PLB1: variants seen among roughly 807,000 people sequenced by gnomAD.
PLB1 encodes the protein phospholipase B1, membrane-associated.
Under a neutral mutation model 227.4 loss-of-function variants are expected in PLB1, and 242 were observed. The observed-to-expected ratio is 1.06, with a 90% CI of 0.96 to 1.18. PLB1 has a LOEUF of 1.18. Among genes scored for constraint, PLB1 ranks in the 50% most tolerant of loss-of-function variants. PLB1 has a pLI of 0.00. For missense variants in PLB1, 1,858 were observed against 1,816.3 expected (o/e 1.02, Z -0.42); for synonymous variants, 757 against 682.2 (o/e 1.11, Z -1.71).
chr2:28,550,183 T>C, intron 16 of PLB1, 99 bp downstream of exon 16: 1 of 989,332 alleles, frequency 1.0e-6, no homozygotes, highest in Non-Finnish European at 1.5e-6. Context: ...TTTTTTTTTT[T>C]TTCTTTTGAG....
rs756768446 is a variant in PLB1, at chr2:28,589,480, C to T, written c.1846C>T (p.Arg616Ter). 5.6e-6 allele frequency: 9 copies of T among 1,613,912 alleles called. No homozygotes were observed. The highest frequency in any genetic ancestry group is 2.2e-5 in the South Asian group (2 of 91,078). ...EKTHQLIESG[R>*]YDTREDFTVV... ...GACCCACCAACTGATTGAGAGTGGG[C>T]GATATGACACAAGGGAAGATTTTAC... Residue 616 changes from arginine to a stop codon, truncating the protein, a stop_gained, in exon 27 of 58, where the codon CGA becomes TGA. Transcript: ENST00000327757. LOFTEE classifies it high-confidence loss of function.
At chr2:28,551,315 T>A (rs1674215357) in intron 16 of PLB1, among the ~76,000 whole-genome samples, 1 of 152,148 alleles carries the variant, frequency 6.6e-6, no homozygotes, top group South Asian at 2.1e-4. Context: ...CCCTGAGACT[T>A]CCCATGGAGA....
intron 43 of PLB1, among the ~76,000 whole-genome samples, chr2:28,612,358 A>C (rs1029627292): frequency 6.6e-6 from 1 of 151,870 alleles, no homozygotes; most frequent in Non-Finnish European, 1.5e-5. Context: ...TGTTGGCCTG[A>C]CCTCCAGTGT....
chr2:28,600,107 AC>A (rs1386431436), intron 35 of PLB1, among the ~76,000 whole-genome samples: 5 of 151,204 alleles, frequency 3.3e-5, no homozygotes, highest in Non-Finnish European at 7.4e-5. Flanking sequence ...ATGGGGTTTT[AC>A]CATGTTGCCC....
chr2:28,580,412 G>T (rs1679727062), intron 23 of PLB1, among the ~76,000 whole-genome samples: 1 of 152,216 alleles, frequency 6.6e-6, no homozygotes, highest in Non-Finnish European at 1.5e-5. Context: ...ACACACAGAA[G>T]AGAGGTCTAA....
chr2:28,620,499 C>T, intron 47 of PLB1, 101 bp from the exon 48 acceptor site: 1 of 1,454,680 alleles, frequency 6.9e-7, no homozygotes. Flanking sequence ...GAGAGACGCC[C>T]CAGGGGCCCA....
At chr2:28,627,940 G>T (rs574771098) in intron 51 of PLB1, among the ~76,000 whole-genome samples, 1 of 152,284 alleles carries the variant, frequency 6.6e-6, no homozygotes, top group East Asian at 1.9e-4. Context: ...TCTAAAAATA[G>T]AGGCCCATCT....
chr2:28,573,128 T>G, intron 20 of PLB1, 69 bp from the exon 21 acceptor site: 1 of 1,240,354 alleles, frequency 8.1e-7, no homozygotes, highest in Non-Finnish European at 1.2e-6. Flanking sequence ...CACCCACTGG[T>G]GCTTATCAAA....
At chr2:28,608,208 C>A (rs1201072586) in intron 43 of PLB1, among the ~76,000 whole-genome samples, 7 of 152,208 alleles carry the variant, frequency 4.6e-5, no homozygotes, top group Non-Finnish European at 7.3e-5. Flanking sequence ...ACATTGGAGC[C>A]CATTCTGAAA....
chr2:28,516,596 G>A (rs1465053097), intron 1 of PLB1, among the ~76,000 whole-genome samples: 1 of 152,078 alleles, frequency 6.6e-6, no homozygotes. Context: ...TTTCACCTGG[G>A]GATTCTGCCC....
In PLB1 at chr2:28,601,923, G is replaced by T; in HGVS notation, c.2632G>T (p.Val878Phe). Residue 878 changes from valine to phenylalanine, a missense_variant, in exon 38 of 58, where the codon GTT becomes TTT. By Grantham distance (50) the Val-to-Phe change is conservative. Transcript: ENST00000327757. ...DSNLYSAANFVHHLRNALDVL... is the reference protein window; with the variant it reads ...DSNLYSAANFFHHLRNALDVL... ...GAATCTGTATTCTGCAGCCAACTTT[G>T]TTCACCATCTCCGCAATGCCTTGGA... 1 of 1,611,408 alleles carries T rather than the reference G, an allele frequency of 6.2e-7. No individual in the cohort carries two copies. The highest frequency in any genetic ancestry group is 8.5e-7 in the Non-Finnish European group (1 of 1,177,642).
At chr2:28,523,830 C>T (rs1216203173) in intron 4 of PLB1, among the ~76,000 whole-genome samples, 1 of 152,232 alleles carries the variant, frequency 6.6e-6, no homozygotes, top group Admixed American at 6.5e-5. Flanking sequence ...TTTCCAGCTC[C>T]TCTTGAAAAA....
At chr2:28,511,786 A>ATTTTTTTT (rs1668285878) in intron 1 of PLB1, among the ~76,000 whole-genome samples, 1 of 117,164 alleles carries the variant, frequency 8.5e-6, no homozygotes, top group African/African-American at 3.2e-5. Context: ...CAGCCATTTT[A>ATTTTTTTT]TCTTTTTTTT....
chr2:28,561,842 C>G (rs958576186), intron 17 of PLB1, among the ~76,000 whole-genome samples: 1 of 152,270 alleles, frequency 6.6e-6, no homozygotes, highest in African/African-American at 2.4e-5. Context: ...GAGCCATTAT[C>G]ACGAGCCACT....
intron 49 of PLB1, among the ~76,000 whole-genome samples, chr2:28,623,285 A>G (rs1558941153): frequency 6.6e-6 from 1 of 152,214 alleles, no homozygotes; most frequent in African/African-American, 2.4e-5. Flanking sequence ...AGATGTGTGG[A>G]TCAGGGAGCC....
intron 46 of PLB1, 193 bp downstream of exon 46, chr2:28,618,592 A>T: frequency 3.4e-6 from 2 of 594,366 alleles, no homozygotes; most frequent in East Asian, 5.9e-5. Context: ...AGTTCTGCTC[A>T]AAGCCCCCTC....
intron 56 of PLB1, chr2:28,633,241 A>G: frequency 1.8e-6 from 1 of 557,232 alleles, no homozygotes; most frequent in Non-Finnish European, 3.2e-6. Flanking sequence ...AAGTTATACA[A>G]ACACACACTC....
chr2:28,578,698 C>T lies in PLB1; in HGVS notation c.1485+540C>T, dbSNP rs186665053. ...TGCAGCTCTCCCTCAAATGAAAGCACGGTCTCAATTCAGAGGCTTTTTGCA... is the reference window on the plus strand; with the variant it reads ...TGCAGCTCTCCCTCAAATGAAAGCATGGTCTCAATTCAGAGGCTTTTTGCA... On this transcript the variant is annotated intron_variant, in intron 22 of 57. Transcript: ENST00000327757. 6.3e-4 allele frequency among the ~76,000 whole-genome samples: 96 copies of T among 152,054 alleles called. 1 individual carries two copies. The Middle Eastern group carries it at 0.017, about 27-fold the overall frequency.
intron 2 of PLB1, among the ~76,000 whole-genome samples, chr2:28,517,096 C>T (rs932561820): frequency 2.6e-5 from 4 of 152,132 alleles, no homozygotes; most frequent in African/African-American, 9.7e-5. Context: ...GGGCGGTTCC[C>T]AGAAGTGTCC....
Sources: gnomAD v4.1 joint callset for allele counts (sites outside exome capture counted in the v4.1 genomes callset) on GRCh38, gnomAD v4.1.1 for gene constraint, MANE v1.5 for transcripts, NCBI Gene and HGNC (gene_info 2026-07-23, HGNC 2026-07-21) for gene names.